The following CUTC variants were observed in gnomAD, a reference collection of about 807,000 sequenced individuals.
CUTC encodes cutC copper transporter.
Under a neutral mutation model 36.2 loss-of-function variants are expected in CUTC, and 27 were observed. The ratio of observed to expected loss-of-function variants is 0.75; its 90% confidence interval spans 0.55 to 1.03. CUTC has a LOEUF of 1.03. Ranked by LOEUF, CUTC falls within the 50% of genes least tolerant of loss-of-function variation. CUTC has a pLI of 0.00. For synonymous variants in CUTC, 114 were observed against 118.3 expected (o/e 0.96, Z 0.24); for missense variants, 315 against 343.5 (o/e 0.92, Z 0.66).
chr10:99,739,863 A>G (rs2037328379), intron 3 of CUTC, 94 bp downstream of exon 3: 2 of 844,916 alleles, frequency 2.4e-6, no homozygotes, highest in East Asian at 2.6e-5. Flanking sequence ...TACTAATGTC[A>G]TGTTAACTAT....
intron 7 of CUTC, 48 bp downstream of exon 7, chr10:99,750,444 G>T: frequency 6.8e-7 from 1 of 1,481,250 alleles, no homozygotes; most frequent in South Asian, 1.3e-5. Context: ...AACTATAGTG[G>T]AGGAAGAGCA....
At chr10:99,733,822 G>C (rs1231940615) in intron 1 of CUTC, among the ~76,000 whole-genome samples, 1 of 152,154 alleles carries the variant, frequency 6.6e-6, no homozygotes, top group Non-Finnish European at 1.5e-5. Context: ...TTTGTTGCTT[G>C]GGACAACTGC....
At chr10:99,742,109 T>TA (rs1321648184) in intron 3 of CUTC, among the ~76,000 whole-genome samples, 3 of 152,232 alleles carry the variant, frequency 2.0e-5, no homozygotes, top group Admixed American at 2.0e-4. Context: ...AGAATTGACT[T>TA]ACTAACTTCA....
At chr10:99,753,265 A>T (rs1376912599) in intron 7 of CUTC, among the ~76,000 whole-genome samples, 1 of 152,232 alleles carries the variant, frequency 6.6e-6, no homozygotes, top group Non-Finnish European at 1.5e-5. Context: ...TAAGCTTGTG[A>T]GGTAGCCAGT....
At chr10:99,735,101 C>CAAAAAAAAAAAAAAAAA (rs56971127) in intron 1 of CUTC, among the ~76,000 whole-genome samples, 1 of 68,770 alleles carries the variant, frequency 1.5e-5, no homozygotes, top group African/African-American at 6.0e-5. Flanking sequence ...GACTCTGTAT[C>CAAAAAAAAAAAAAAAAA]AAAAAAAAAA....
intron 1 of CUTC, among the ~76,000 whole-genome samples, chr10:99,734,354 A>G (rs2037274554): frequency 1.3e-5 from 2 of 152,216 alleles, no homozygotes; most frequent in Admixed American, 1.3e-4. Flanking sequence ...GGCGTGAGCC[A>G]CCGCGCCGGA....
chr10:99,747,564 T>C, intron 6 of CUTC, 174 bp downstream of exon 6: 1 of 672,014 alleles, frequency 1.5e-6, no homozygotes, highest in Non-Finnish European at 2.4e-6. Flanking sequence ...GCCTTTTTAA[T>C]AACCAAGGCT....
chr10:99,732,888 G>C (rs1360899874), intron 1 of CUTC, among the ~76,000 whole-genome samples: 2 of 152,176 alleles, frequency 1.3e-5, no homozygotes, highest in African/African-American at 4.8e-5. Flanking sequence ...CAAGACCCGA[G>C]TTCTTCCTGA....
At chr10:99,734,813 A>T (rs1009006865) in intron 1 of CUTC, among the ~76,000 whole-genome samples, 3 of 152,116 alleles carry the variant, frequency 2.0e-5, no homozygotes, top group Admixed American at 1.3e-4. Context: ...TAAAGACCTT[A>T]CTTAGGAGGC....
chr10:99,736,429 G>A (rs2037297869), intron 2 of CUTC, 112 bp downstream of exon 2: 3 of 745,158 alleles, frequency 4.0e-6, no homozygotes, highest in Non-Finnish European at 6.7e-6. Flanking sequence ...CCCTCATAAT[G>A]CTTTCAGAAA....
intron 7 of CUTC, 108 bp from the exon 8 acceptor site, chr10:99,754,421 T>G: frequency 9.4e-6 from 7 of 743,188 alleles, no homozygotes; most frequent in Non-Finnish European, 1.6e-5. Context: ...TTTGAATCAA[T>G]GAGAAATTCA....
intron 5 of CUTC, among the ~76,000 whole-genome samples, chr10:99,744,441 G>A (rs2037363921): frequency 6.6e-6 from 1 of 152,144 alleles, no homozygotes; most frequent in Non-Finnish European, 1.5e-5. Context: ...TGTTGTGGCT[G>A]GTGAAATGAA....
intron 1 of CUTC, chr10:99,732,708 A>G (rs1590114094): frequency 6.2e-6 from 7 of 1,130,494 alleles, no homozygotes; most frequent in East Asian, 3.3e-5. Flanking sequence ...CCGTCGCCAC[A>G]CGAGGATGCC....
chr10:99,732,235 T>A lies in CUTC; in HGVS notation c.-114T>A. 4 of 1,529,114 alleles carry A rather than the reference T, an allele frequency of 2.6e-6. No individual in the cohort carries two copies. Among genetic ancestry groups the A allele is most frequent in the Non-Finnish European group, 3.5e-6 (4 of 1,136,886 alleles). The allele number at this position is 1,529,114 out of a possible 1,614,324, so 94.7% of individuals were successfully genotyped here. A position where few individuals can be genotyped will look rare whatever the true frequency, so the allele number is the denominator to read the frequency against. ...CGCGGGGGCTGCTGGGGCGTAGGTGTCGGGGACGCGCGCACGGGCGCGCGC... is the reference window on the plus strand; with the variant it reads ...CGCGGGGGCTGCTGGGGCGTAGGTGACGGGGACGCGCGCACGGGCGCGCGC... On this transcript the variant is annotated 5_prime_UTR_variant, in exon 1 of 9. Coordinates refer to ENST00000370476, the MANE Select transcript of CUTC (RefSeq NM_015960.3).
In CUTC at chr10:99,744,048, C is replaced by A; in HGVS notation, c.415C>A (p.Pro139Thr). 1 of 1,612,306 alleles carries A rather than the reference C, an allele frequency of 6.2e-7. No homozygotes were observed. ...LCMSLMAICR[P>T]LPVTFHRAFD... ...CTTTCTTTTTATAGCTATTTGCCGC[C>A]CTCTGCCAGTCACTTTCCACCGAGG... The change falls in exon 5 of 9, where the codon CCT becomes ACT. Residue 139 changes from proline (P) to threonine (T), a missense_variant. Physicochemically the swap from Pro to Thr is conservative, Grantham distance 38 (BLOSUM62 -1). Coordinates refer to ENST00000370476, the MANE Select transcript of CUTC (RefSeq NM_015960.3).
Position 99,755,978 on chromosome 10 carries a change from T to G in CUTC, c.*239T>G, listed in dbSNP as rs1239097517. On this transcript the variant is annotated 3_prime_UTR_variant, in exon 9 of 9. Coordinates refer to ENST00000370476, the MANE Select transcript of CUTC (RefSeq NM_015960.3). ...ATCATGGTTAAAGCTGGTCTGTGCT[T>G]CTTCCATAGACAGAAGCTTAGTCTG... 4.7e-6 allele frequency: 2 copies of G among 423,774 alleles called. No individual in the cohort carries two copies. The highest frequency in any genetic ancestry group is 4.2e-6 in the Non-Finnish European group (1 of 238,954). 26.3% of individuals were successfully genotyped at this position (423,774 alleles called of 1,614,324 possible).
chr10:99,735,769 C>A (rs1255384337), intron 1 of CUTC, among the ~76,000 whole-genome samples: 1 of 152,170 alleles, frequency 6.6e-6, no homozygotes, highest in African/African-American at 2.4e-5. Flanking sequence ...CTAATTTAAT[C>A]CTCACTACTC....
Position 99,744,794 on chromosome 10 carries a change from G to A in CUTC, c.439+722G>A, listed in dbSNP as rs540234777. Among the ~76,000 whole-genome samples the A allele has an allele frequency of 3.3e-5, 5 of 152,176 alleles. No individual in the cohort carries two copies. In the South Asian group the frequency reaches 1.0e-3, roughly 32 times the overall value. On this transcript the variant is annotated intron_variant, in intron 5 of 8. Coordinates refer to ENST00000370476, the MANE Select transcript of CUTC (RefSeq NM_015960.3). ...GTTTGAGACGGAGTCTCGCTCTGTC[G>A]CCTAGGCTGGAGTGCAGTCGCACGA...
At chr10:99,733,836 G>C (rs1352704561) in intron 1 of CUTC, among the ~76,000 whole-genome samples, 1 of 152,086 alleles carries the variant, frequency 6.6e-6, no homozygotes, top group East Asian at 1.9e-4. Context: ...CAACTGCCTT[G>C]CTCTGCCTTC....
Sources: allele counts gnomAD v4.1 joint callset (sites outside exome capture counted in the v4.1 genomes callset), GRCh38; gene constraint gnomAD v4.1.1; transcripts MANE v1.5; gene names NCBI Gene and HGNC (gene_info 2026-07-23, HGNC 2026-07-21).